The following CTNNA3 variants were observed in gnomAD, a reference collection of about 807,000 sequenced individuals.
The protein encoded by CTNNA3 is catenin alpha-3.
A neutral mutation model predicts 95.7 loss-of-function variants in CTNNA3; 76 were observed. The ratio of observed to expected loss-of-function variants is 0.79; its 90% CI spans 0.66 to 0.96. The LOEUF is 0.96. CTNNA3 is among the 40% of genes least tolerant of loss of function. CTNNA3 has a pLI of 0.00. For synonymous variants in CTNNA3, 431 were observed against 374.4 expected, an observed-to-expected ratio of 1.15 and a Z score of -1.74; for missense variants, 1,191 against 1,089.8, an observed-to-expected ratio of 1.09 and a Z score of -1.31.
In CTNNA3 at chr10:66,495,159, T is replaced by G. The variant is rs568116756; in HGVS notation, c.1531+25458A>C. 9.8e-5 allele frequency among the ~76,000 whole-genome samples: 15 copies of G among 152,320 alleles called. No homozygotes were observed. In the East Asian group the frequency reaches 2.9e-3, roughly 29 times the overall value. ...TATTAACATATTCACCACAGTAGCATGGCATATGCATAAACCACTATGACT... is the reference window on the plus strand; with the variant it reads ...TATTAACATATTCACCACAGTAGCAGGGCATATGCATAAACCACTATGACT... On this transcript the variant is annotated intron_variant, in intron 11 of 17. Transcript: ENST00000433211.
intron 1 of CTNNA3, among the ~76,000 whole-genome samples, chr10:67,684,902 G>A (rs929940404): frequency 1.3e-5 from 2 of 152,218 alleles, no homozygotes; most frequent in Non-Finnish European, 2.9e-5. Flanking sequence ...GAAAGGTGTT[G>A]TCTGATTTCA....
intron 11 of CTNNA3, among the ~76,000 whole-genome samples, chr10:66,409,975 A>G (rs2093089994): frequency 6.6e-6 from 1 of 152,122 alleles, no homozygotes; most frequent in Admixed American, 6.5e-5. Context: ...TCTCCCTACC[A>G]GTTGCGTTTT....
intron 7 of CTNNA3, among the ~76,000 whole-genome samples, chr10:67,128,221 A>C (rs139796799): frequency 9.2e-5 from 14 of 152,152 alleles, no homozygotes; most frequent in African/African-American, 2.7e-4. Context: ...GACATTTTAG[A>C]TAAGATTAAC....
intron 7 of CTNNA3, among the ~76,000 whole-genome samples, chr10:66,904,069 A>T (rs1048035837): frequency 6.6e-6 from 1 of 152,208 alleles, no homozygotes; most frequent in Non-Finnish European, 1.5e-5. Flanking sequence ...CTGCATAGCC[A>T]AGATAATCCT....
At chr10:66,382,725 G>A (rs2092852042) in intron 11 of CTNNA3, among the ~76,000 whole-genome samples, 1 of 152,144 alleles carries the variant, frequency 6.6e-6, no homozygotes, top group Admixed American at 6.5e-5. Context: ...CCTCTGGGAT[G>A]AAGCTTCCAG....
intron 17 of CTNNA3, among the ~76,000 whole-genome samples, chr10:65,926,919 T>C (rs1261292597): frequency 6.6e-6 from 1 of 152,214 alleles, no homozygotes; most frequent in African/African-American, 2.4e-5. Context: ...CAGCTTTGAC[T>C]TGCACATACA....
chr10:66,678,365 T>C (rs1483080861), intron 9 of CTNNA3, among the ~76,000 whole-genome samples: 1 of 152,152 alleles, frequency 6.6e-6, no homozygotes, highest in Non-Finnish European at 1.5e-5. Context: ...ATTTATTGGG[T>C]ACTCAAAGCT....
At chr10:67,418,749 A>C (rs1041322893) in intron 5 of CTNNA3, among the ~76,000 whole-genome samples, 2 of 152,166 alleles carry the variant, frequency 1.3e-5, no homozygotes, top group East Asian at 3.8e-4. Flanking sequence ...AAGTTCAAGA[A>C]ATCTATTGTA....
intron 12 of CTNNA3, among the ~76,000 whole-genome samples, chr10:66,360,026 A>G (rs1010117418): frequency 1.3e-5 from 2 of 151,860 alleles, no homozygotes; most frequent in Non-Finnish European, 2.9e-5. Context: ...ACGGGGTTTC[A>G]GCATGTTGGT....
chr10:67,078,664 C>A (rs1255443510), intron 7 of CTNNA3, among the ~76,000 whole-genome samples: 2 of 151,950 alleles, frequency 1.3e-5, no homozygotes, highest in Non-Finnish European at 2.9e-5. Flanking sequence ...TTACAGGCAC[C>A]CACCACCACA....
chr10:67,353,457 A>T (rs1040129697), intron 5 of CTNNA3, among the ~76,000 whole-genome samples: 1 of 144,072 alleles, frequency 6.9e-6, no homozygotes, highest in Non-Finnish European at 1.5e-5. Flanking sequence ...TAAAAGTACC[A>T]TTGAACTCAT....
chr10:67,622,003 C>G (rs1282370140), intron 2 of CTNNA3, among the ~76,000 whole-genome samples: 1 of 152,184 alleles, frequency 6.6e-6, no homozygotes, highest in African/African-American at 2.4e-5. Context: ...TATTTACTAT[C>G]TGGACCCATA....
At chr10:67,566,499 A>G (rs1841809298) in intron 3 of CTNNA3, among the ~76,000 whole-genome samples, 1 of 152,152 alleles carries the variant, frequency 6.6e-6, no homozygotes, top group African/African-American at 2.4e-5. Flanking sequence ...TAGAATGGCG[A>G]TCATTAAAAA....
chr10:66,872,120 A>G (rs1260748107), intron 7 of CTNNA3, among the ~76,000 whole-genome samples: 2 of 152,192 alleles, frequency 1.3e-5, no homozygotes, highest in African/African-American at 4.8e-5. Flanking sequence ...TGGGAACTAA[A>G]CATCCATTAA....
chr10:66,580,878 A>G (rs1381191095), intron 10 of CTNNA3, among the ~76,000 whole-genome samples: 1 of 151,722 alleles, frequency 6.6e-6, no homozygotes, highest in African/African-American at 2.4e-5. Context: ...ATTGTACTCA[A>G]TAGGTAGTTT....
chr10:67,296,182 T>G (rs934209462), intron 5 of CTNNA3, among the ~76,000 whole-genome samples: 2 of 152,162 alleles, frequency 1.3e-5, no homozygotes, highest in African/African-American at 4.8e-5. Context: ...GTTGAAATTA[T>G]AGCATTTTTT....
rs2394199 is a variant in CTNNA3 at position 66,211,717 on chromosome 10, G to A, written c.1884+68753C>T. 3.9e-5 allele frequency among the ~76,000 whole-genome samples: 6 copies of A among 152,296 alleles called. No individual in the cohort carries two copies. In the East Asian group the frequency reaches 1.2e-3, roughly 29 times the overall value. On this transcript the variant is annotated intron_variant, in intron 13 of 17. Coordinates refer to ENST00000433211, the MANE Select transcript of CTNNA3 (RefSeq NM_013266.4). ...GCTGGCCCAAGAGGGCAACATGCCC[G>A]GATAAGAGTTCCTGGTAGTAAGAGG... is the stretch of plus-strand genomic sequence containing the variant.
At position 66,651,957 on chromosome 10, in the gene CTNNA3, AGAGC is replaced by A. The variant is rs537514852; in HGVS notation, c.1282-30177_1282-30174del. On this transcript the variant is annotated intron_variant, in intron 9 of 17. Coordinates refer to ENST00000433211, the MANE Select transcript of CTNNA3 (RefSeq NM_013266.4). ...AGATGCCAAGGCCAAGGAGGCACCG[AGAGC>A]GAGCAAGGGCTGCTAGCACGTTGTC... Among the ~76,000 whole-genome samples, 428 of 152,222 alleles carry A rather than the reference AGAGC, an allele frequency of 2.8e-3. 2 individuals are homozygous for A. Among genetic ancestry groups the A allele is most frequent in the African/African-American group, 0.01 (419 of 41,546 alleles).
rs1589260774 is a variant in CTNNA3, at chr10:66,445,177, C to T, written c.1532-65825G>A. On this transcript the variant is annotated intron_variant, in intron 11 of 17. Transcript: ENST00000433211. ...GAGCAACCAGATTCATAAAGCAAGT[C>T]CTTAGTGACCTACAAAGAGACTTAG... Among the ~76,000 whole-genome samples, 4 of 144,134 alleles carry T rather than the reference C, an allele frequency of 2.8e-5. No homozygotes were observed. The Middle Eastern group carries it at 0.015, about 534-fold the overall frequency. The allele number at this position is 144,134 out of a possible 152,430, so 94.6% of individuals were successfully genotyped here.
Sources: gnomAD v4.1 joint callset for allele counts (sites outside exome capture counted in the v4.1 genomes callset) on GRCh38, gnomAD v4.1.1 for gene constraint, MANE v1.5 for transcripts, NCBI Gene and HGNC (gene_info 2026-07-23, HGNC 2026-07-21) for gene names.